Variants in TRDN observed in about 807,000 individuals in gnomAD.
TRDN encodes triadin, also known as triadin in skeletal muscle.
TRDN carries 161 observed loss-of-function variants against 149.7 expected under a neutral mutation model. The observed-to-expected ratio is 1.08, with a 90% CI of 0.95 to 1.23. The LOEUF (loss-of-function observed/expected upper bound fraction) is 1.23. Ranked by LOEUF, TRDN falls within the 50% of genes most tolerant of loss-of-function variation. The pLI, the probability that TRDN is intolerant of heterozygous loss-of-function variation, is 0.00. For synonymous variants in TRDN, 294 were observed against 250.5 expected (o/e 1.17, Z -1.64); for missense variants, 896 against 823.5 (o/e 1.09, Z -1.08).
chr6:123,288,586 C>A (rs1777881922), intron 24 of TRDN, among the ~76,000 whole-genome samples: 1 of 151,958 alleles, frequency 6.6e-6, no homozygotes, highest in Admixed American at 6.6e-5. Flanking sequence ...ACAGACACTT[C>A]TCAAAAGAAA....
chr6:123,467,287 A>C (rs1391810437), intron 9 of TRDN, among the ~76,000 whole-genome samples: 1 of 151,082 alleles, frequency 6.6e-6, no homozygotes, highest in Non-Finnish European at 1.5e-5. Context: ...GGGAAGACGG[A>C]GGGATTCCAG....
chr6:123,532,469 A>T (rs1022189718), intron 4 of TRDN, among the ~76,000 whole-genome samples: 1 of 151,994 alleles, frequency 6.6e-6, no homozygotes, highest in Non-Finnish European at 1.5e-5. Context: ...GGAAAGCCTT[A>T]AAAACAGGCC....
At chr6:123,349,472 A>G (rs542773851) in intron 21 of TRDN, 1 of 874,352 alleles carries the variant, frequency 1.1e-6, no homozygotes, top group East Asian at 1.2e-4. Context: ...ATTCACAGGA[A>G]TCTATAATAT....
At chr6:123,531,647 G>C (rs553447705) in intron 4 of TRDN, among the ~76,000 whole-genome samples, 3 of 151,992 alleles carry the variant, frequency 2.0e-5, no homozygotes, top group Non-Finnish European at 4.4e-5. Context: ...CTTTGAATAT[G>C]GTGATGAAGA....
At chr6:123,463,443 G>A (rs1436013237) in intron 10 of TRDN, among the ~76,000 whole-genome samples, 1 of 151,944 alleles carries the variant, frequency 6.6e-6, no homozygotes, top group Admixed American at 6.6e-5. Flanking sequence ...TTTTCCAAGT[G>A]ACAGATTGCT....
intron 10 of TRDN, among the ~76,000 whole-genome samples, chr6:123,463,353 TA>T (rs1174643439): frequency 2.6e-5 from 3 of 114,098 alleles, no homozygotes; most frequent in Admixed American, 2.4e-4. Context: ...AAAAAAAAAA[TA>T]AATAATAAAT....
intron 10 of TRDN, among the ~76,000 whole-genome samples, chr6:123,460,728 C>A (rs964068277): frequency 2.0e-5 from 3 of 151,888 alleles, no homozygotes; most frequent in Non-Finnish European, 4.4e-5. Context: ...GTAAATAAAA[C>A]CTTACTAGCT....
In TRDN at chr6:123,425,271, GTGTGTGTA is replaced by G. The variant is rs1403202095; in HGVS notation, c.1051+12784_1051+12791del. 7.5e-5 allele frequency among the ~76,000 whole-genome samples: 11 copies of G among 146,224 alleles called. No homozygotes were observed. The East Asian group carries it at 1.6e-3, about 22-fold the overall frequency. On this transcript the variant is annotated intron_variant, in intron 12 of 40. Coordinates refer to ENST00000334268, the MANE Select transcript of TRDN (RefSeq NM_006073.4). ...TGTGTGTGTGTGTGTGTGTGTGTGTGTGTGTGTATGTGTAGATGAGGGGTGTTGTTGTT... is the reference window on the plus strand; with the variant it reads ...TGTGTGTGTGTGTGTGTGTGTGTGTGTGTGTAGATGAGGGGTGTTGTTGTT...
chr6:123,491,539 T>A (rs1315798304), intron 9 of TRDN, among the ~76,000 whole-genome samples: 1 of 152,184 alleles, frequency 6.6e-6, no homozygotes, highest in Non-Finnish European at 1.5e-5. Context: ...AAAAACTAAA[T>A]AATTTTTTTT....
intron 4 of TRDN, among the ~76,000 whole-genome samples, chr6:123,537,178 A>T (rs1780593030): frequency 6.6e-6 from 1 of 152,322 alleles, no homozygotes; most frequent in South Asian, 2.1e-4. Flanking sequence ...AACCGAGCTT[A>T]AAGGAAGGAA....
At chr6:123,456,648 T>C (rs2114676667) in intron 10 of TRDN, among the ~76,000 whole-genome samples, 1 of 152,240 alleles carries the variant, frequency 6.6e-6, no homozygotes, top group South Asian at 2.1e-4. Flanking sequence ...TTTATATTTT[T>C]TGTAGAGATA....
intron 24 of TRDN, among the ~76,000 whole-genome samples, chr6:123,283,924 T>C (rs1777697501): frequency 7.2e-6 from 1 of 139,748 alleles, no homozygotes; most frequent in Admixed American, 7.4e-5. Context: ...CATTGGTAAT[T>C]TTTTATTACC....
At chr6:123,242,347 C>T (rs1026403839) in intron 38 of TRDN, among the ~76,000 whole-genome samples, 3 of 151,772 alleles carry the variant, frequency 2.0e-5, no homozygotes, top group Non-Finnish European at 4.4e-5. Flanking sequence ...GATTTTTTTG[C>T]TTTTAATTTT....
At chr6:123,504,301 C>T (rs1778822998) in intron 7 of TRDN, among the ~76,000 whole-genome samples, 1 of 152,058 alleles carries the variant, frequency 6.6e-6, no homozygotes, top group South Asian at 2.1e-4. Flanking sequence ...GAAGTAGTCT[C>T]CTTTTATAAG....
chr6:123,483,387 C>A (rs1777849561), intron 9 of TRDN, among the ~76,000 whole-genome samples: 1 of 151,996 alleles, frequency 6.6e-6, no homozygotes, highest in Admixed American at 6.6e-5. Context: ...CAGGCGTGAG[C>A]CACTGCGCCC....
intron 21 of TRDN, among the ~76,000 whole-genome samples, chr6:123,339,686 A>T (rs1779998666): frequency 6.6e-6 from 1 of 152,192 alleles, no homozygotes; most frequent in Non-Finnish European, 1.5e-5. Context: ...AAGTAAACCA[A>T]TTATACAAAA....
intron 7 of TRDN, among the ~76,000 whole-genome samples, chr6:123,506,980 T>C (rs1254953321): frequency 1.3e-5 from 2 of 152,204 alleles, no homozygotes; most frequent in East Asian, 1.9e-4. Flanking sequence ...TGTATCACCA[T>C]AGTGTCTAGC....
chr6:123,525,182 C>T (rs1255154981), intron 5 of TRDN, among the ~76,000 whole-genome samples: 2 of 151,998 alleles, frequency 1.3e-5, no homozygotes, highest in African/African-American at 2.4e-5. Flanking sequence ...TACCATTTGA[C>T]CCAGCAATGC....
chr6:123,615,102 G>A (rs1047413741), intron 1 of TRDN, among the ~76,000 whole-genome samples: 2 of 152,062 alleles, frequency 1.3e-5, no homozygotes, highest in African/African-American at 4.8e-5. Flanking sequence ...ACCATAATGA[G>A]ATATCTCACT....
Sources: allele counts gnomAD v4.1 joint callset (sites outside exome capture counted in the v4.1 genomes callset), GRCh38; gene constraint gnomAD v4.1.1; transcripts MANE v1.5; gene names NCBI Gene and HGNC (gene_info 2026-07-23, HGNC 2026-07-21).